Variants in SESTD1 observed in about 807,000 individuals in gnomAD.
The protein encoded by SESTD1 is SEC14 and spectrin domain containing 1.
A neutral mutation model predicts 101.7 loss-of-function variants in SESTD1; 43 were observed. That is an observed-to-expected ratio of 0.42 (90% confidence interval 0.33 to 0.55). The LOEUF (loss-of-function observed/expected upper bound fraction) is 0.55. SESTD1 is among the 20% of genes least tolerant of loss of function. The pLI is 0.07. For missense variants in SESTD1, 647 were observed against 815.1 expected (o/e 0.79, Z 2.51); for synonymous variants, 283 against 286.8 (o/e 0.99, Z 0.13).
At chr2:179,142,261 A>G (rs2045295726) in intron 9 of SESTD1, among the ~76,000 whole-genome samples, 1 of 152,242 alleles carries the variant, frequency 6.6e-6, no homozygotes, top group Non-Finnish European at 1.5e-5. Context: ...GGAATTTTAC[A>G]GAAGTTTGCC....
chr2:179,124,696 A>G lies in SESTD1; in HGVS notation c.973-138T>C, dbSNP rs112592576. 28 of 684,446 alleles carry G rather than the reference A, an allele frequency of 4.1e-5. No individual in the cohort carries two copies. The African/African-American group carries it at 4.2e-4, about 10-fold the overall frequency. 42.4% of individuals were successfully genotyped at this position (684,446 alleles called of 1,614,324 possible). A position where few individuals can be genotyped will look rare whatever the true frequency, so the allele number is the denominator to read the frequency against. ...GCAAAATTATTAAAATTGAGGGTGGAAAGTTCCTAATCCTGTGATCCCTGG... is the reference window on the plus strand; with the variant it reads ...GCAAAATTATTAAAATTGAGGGTGGGAAGTTCCTAATCCTGTGATCCCTGG... On this transcript the variant is annotated intron_variant, in intron 10 of 17. Transcript: ENST00000428443.
At chr2:179,228,005 G>A (rs2046915393) in intron 1 of SESTD1, among the ~76,000 whole-genome samples, 1 of 152,080 alleles carries the variant, frequency 6.6e-6, no homozygotes, top group African/African-American at 2.4e-5. Flanking sequence ...ACTCACATTG[G>A]TCTCACTGCT....
Position 179,103,748 on chromosome 2 carries a change from G to A in SESTD1, c.*6151C>T, listed in dbSNP as rs887928528. On this transcript the variant is annotated 3_prime_UTR_variant, in exon 18 of 18. Coordinates refer to ENST00000428443, the MANE Select transcript of SESTD1 (RefSeq NM_178123.5). ...TGCCTTTGAGGGTCAAGTAGGGACA[G>A]GAATTGACTGGAAAGGGCAGTGTGG... 1.3e-5 allele frequency: 2 copies of A among 152,102 alleles called. No homozygotes were observed. The highest frequency in any genetic ancestry group is 4.8e-5 in the African/African-American group (2 of 41,424). 9.4% of individuals were successfully genotyped at this position (152,102 alleles called of 1,614,324 possible).
At chr2:179,153,648 A>T (rs769438100) in intron 5 of SESTD1, among the ~76,000 whole-genome samples, 12 of 152,168 alleles carry the variant, frequency 7.9e-5, no homozygotes, top group Non-Finnish European at 2.9e-5. Context: ...AAAAAGAATC[A>T]GGTTTTGTTA....
rs1365115692 is a variant in SESTD1 at position 179,108,187 on chromosome 2, A to G, written c.*1712T>C. ...AACATTGGTATAAAATAAAAACTCTAAGGATGAGATACCGAGAAAAGAGCC... is the reference window on the plus strand; with the variant it reads ...AACATTGGTATAAAATAAAAACTCTGAGGATGAGATACCGAGAAAAGAGCC... On this transcript the variant is annotated 3_prime_UTR_variant, in exon 18 of 18. Transcript: ENST00000428443. 1 of 152,172 alleles carries G rather than the reference A, an allele frequency of 6.6e-6. No individual in the cohort carries two copies. Among genetic ancestry groups the G allele is most frequent in the African/African-American group, 2.4e-5 (1 of 41,444 alleles). The allele number at this position is 152,172 out of a possible 1,614,324, so 9.4% of individuals were successfully genotyped here.
chr2:179,259,237 T>C (rs1469285437), intron 1 of SESTD1, among the ~76,000 whole-genome samples: 1 of 151,252 alleles, frequency 6.6e-6, no homozygotes, highest in Admixed American at 6.6e-5. Context: ...TAGCTTTTTG[T>C]TTGTTTGTTT....
intron 5 of SESTD1, among the ~76,000 whole-genome samples, chr2:179,152,503 A>G (rs28727305): frequency 6.6e-6 from 1 of 152,246 alleles, no homozygotes; most frequent in Non-Finnish European, 1.5e-5. Flanking sequence ...CTTTAAAAAA[A>G]TTTAAAAAAC....
chr2:179,198,661 C>T (rs2046446180), intron 1 of SESTD1, among the ~76,000 whole-genome samples: 1 of 151,758 alleles, frequency 6.6e-6, no homozygotes, highest in Admixed American at 6.6e-5. Context: ...TCACTCAAAA[C>T]CGCTCAACTA....
At chr2:179,113,237 G>A (rs931920395) in intron 16 of SESTD1, among the ~76,000 whole-genome samples, 4 of 152,126 alleles carry the variant, frequency 2.6e-5, no homozygotes, top group African/African-American at 9.7e-5. Flanking sequence ...GTAGCAGTCT[G>A]GAAGGTGAAG....
rs146034048 is a variant in SESTD1, at chr2:179,144,661, T to G, written c.638-858A>C. Among the ~76,000 whole-genome samples the G allele has an allele frequency of 7.4e-3, 1,132 of 152,152 alleles. 5 individuals carry two copies. The highest frequency in any genetic ancestry group is 0.013 in the Non-Finnish European group (893 of 67,934). ...CCTTATTTAGAATAATATCTTAAAT[T>G]TAAATGGCTTTCAATATATAGCAAC... On this transcript the variant is annotated intron_variant, in intron 8 of 17. Coordinates refer to ENST00000428443, the MANE Select transcript of SESTD1 (RefSeq NM_178123.5).
chr2:179,134,086 T>C (rs2045078471), intron 9 of SESTD1, among the ~76,000 whole-genome samples: 1 of 152,210 alleles, frequency 6.6e-6, no homozygotes, highest in Non-Finnish European at 1.5e-5. Flanking sequence ...CCATTTTATA[T>C]GAGACTTGAA....
intron 1 of SESTD1, among the ~76,000 whole-genome samples, chr2:179,196,295 C>T (rs1030969506): frequency 3.3e-5 from 5 of 152,328 alleles, no homozygotes; most frequent in East Asian, 1.9e-4. Flanking sequence ...GCACCTGGCT[C>T]GGAGGGTCCT....
At chr2:179,166,429 C>T (rs2045836025) in intron 5 of SESTD1, among the ~76,000 whole-genome samples, 1 of 151,998 alleles carries the variant, frequency 6.6e-6, no homozygotes, top group Non-Finnish European at 1.5e-5. Context: ...TAGAGGACAA[C>T]TGAAGTCCCA....
intron 4 of SESTD1, among the ~76,000 whole-genome samples, chr2:179,173,461 T>C (rs147396710): frequency 6.6e-6 from 1 of 152,314 alleles, no homozygotes; most frequent in African/African-American, 2.4e-5. Flanking sequence ...ATGACAAATA[T>C]CTCACATATA....
rs1332794747 is a variant in SESTD1 at position 179,145,103 on chromosome 2, C to A, written c.637+1299G>T. On this transcript the variant is annotated intron_variant, in intron 8 of 17. Transcript: ENST00000428443. ...GAATTTACTTCTTTATTATTTATTA[C>A]ATTTTATAATTGGAAAAATAATTGT... 8.5e-5 allele frequency among the ~76,000 whole-genome samples: 13 copies of A among 152,152 alleles called. No homozygotes were observed. The East Asian group carries it at 2.5e-3, about 29-fold the overall frequency.
chr2:179,191,230 G>A (rs2046314848), intron 2 of SESTD1, among the ~76,000 whole-genome samples: 1 of 152,140 alleles, frequency 6.6e-6, no homozygotes, highest in Non-Finnish European at 1.5e-5. Flanking sequence ...ATACATCATA[G>A]AGTACTATGC....
At chr2:179,245,634 C>T (rs1307566519) in intron 1 of SESTD1, among the ~76,000 whole-genome samples, 1 of 151,296 alleles carries the variant, frequency 6.6e-6, no homozygotes, top group Non-Finnish European at 1.5e-5. Context: ...CTGCAGTGAG[C>T]TGTGATGGCA....
intron 2 of SESTD1, among the ~76,000 whole-genome samples, chr2:179,189,077 C>T (rs758840050): frequency 2.0e-5 from 3 of 152,068 alleles, no homozygotes; most frequent in Non-Finnish European, 2.9e-5. Flanking sequence ...TTCTGTAAAG[C>T]CAGCATCATC....
intron 10 of SESTD1, among the ~76,000 whole-genome samples, chr2:179,125,767 A>T (rs1160585622): frequency 1.3e-5 from 2 of 152,058 alleles, no homozygotes; most frequent in African/African-American, 4.8e-5. Flanking sequence ...ATCAGTCTCC[A>T]ATTCCCTTTT....
Sources: allele counts gnomAD v4.1 joint callset (sites outside exome capture counted in the v4.1 genomes callset), GRCh38; gene constraint gnomAD v4.1.1; transcripts MANE v1.5; gene names NCBI Gene and HGNC (gene_info 2026-07-23, HGNC 2026-07-21).